Variants in HTR3C observed in about 807,000 individuals in gnomAD.
HTR3C encodes 5-hydroxytryptamine receptor 3C.
In HTR3C, 32 loss-of-function variants were observed where a neutral mutation model predicts 40.5. The ratio of observed to expected loss-of-function variants is 0.79; its 90% CI spans 0.60 to 1.06. The LOEUF (loss-of-function observed/expected upper bound fraction) is 1.06, where lower values mean the gene tolerates loss of function less well. Among genes scored for constraint, HTR3C ranks in the 50% least tolerant of loss-of-function variants. The pLI, the probability that HTR3C is intolerant of heterozygous loss-of-function variation, is 0.00. For missense variants in HTR3C, 523 were observed against 556.8 expected (o/e 0.94, Z 0.61); for synonymous variants, 209 against 217.1 (o/e 0.96, Z 0.33).
chr3:184,053,308 C>T (rs1038566997), intron 1 of HTR3C, among the ~76,000 whole-genome samples, 161 bp downstream of exon 1: 2 of 152,200 alleles, frequency 1.3e-5, no homozygotes, highest in Non-Finnish European at 2.9e-5. Flanking sequence ...AGACAGTTCA[C>T]TGATGAGTGC....
intron 4 of HTR3C, 70 bp downstream of exon 4, chr3:184,056,356 G>A: frequency 1.0e-6 from 1 of 999,642 alleles, no homozygotes; most frequent in South Asian, 1.3e-5. Flanking sequence ...TCAGCACAGG[G>A]CATGGGGCCA....
chr3:184,060,278 A>T lies in HTR3C; in HGVS notation c.1270A>T (p.Thr424Ser). 6.2e-7 allele frequency: 1 copy of T among 1,613,996 alleles called. No individual in the cohort carries two copies. ...GGTGCAGTTCAGCCACGCGATGGAC[A>T]CCCTGCTCTTCCGCCTCTACCTGCT... ...LWVQFSHAMD[T>S]LLFRLYLLFM... The change falls in exon 9 of 9, where the codon ACC becomes TCC. Residue 424 changes from threonine to serine, a missense_variant. Thr to Ser is a moderately conservative substitution (Grantham distance 58). Coordinates refer to ENST00000318351, the MANE Select transcript of HTR3C (RefSeq NM_130770.3).
intron 6 of HTR3C, 41 bp from the exon 7 acceptor site, chr3:184,059,395 T>G: frequency 6.4e-7 from 1 of 1,574,624 alleles, no homozygotes; most frequent in Non-Finnish European, 8.7e-7. Flanking sequence ...TTGAGCCCTC[T>G]GACATCTATT....
chr3:184,054,118 G>A (rs540065292), intron 1 of HTR3C, among the ~76,000 whole-genome samples: 47 of 152,300 alleles, frequency 3.1e-4, no homozygotes, highest in Non-Finnish European at 6.0e-4. Flanking sequence ...TGATCCCGAT[G>A]CTAGAAATAA....
intron 5 of HTR3C, 72 bp from the exon 6 acceptor site, chr3:184,058,355 G>C (rs1723372063): frequency 6.9e-7 from 1 of 1,456,230 alleles, no homozygotes; most frequent in Non-Finnish European, 9.1e-7. Flanking sequence ...AGCTCAGTGG[G>C]GGAGGACTCC....
In HTR3C at chr3:184,053,104, G is replaced by A. The variant is rs766133545; in HGVS notation, c.24G>A (p.Arg8=). The part of the protein sequence containing the change: MEGGWPA[R]QSALLCLTVS... ...GAATGGAAGGAGGGTGGCCTGCAAG[G>A]CAGAGTGCCCTCCTCTGCCTCACTG... Residue 8 remains arginine, a synonymous_variant, in exon 1 of 9, where the codon AGG becomes AGA. Transcript: ENST00000318351. 1 of 1,613,914 alleles carries A rather than the reference G, an allele frequency of 6.2e-7. No homozygotes were observed. The highest frequency in any genetic ancestry group is 8.5e-7 in the Non-Finnish European group (1 of 1,179,848).
chr3:184,053,229 C>A, intron 1 of HTR3C, 82 bp downstream of exon 1: 1 of 953,200 alleles, frequency 1.0e-6, no homozygotes, highest in Non-Finnish European at 1.7e-6. Context: ...GGAGGGCATT[C>A]AGAATTAATG....
chr3:184,060,490 C>T lies in HTR3C; in HGVS notation c.*138C>T. The T allele has an allele frequency of 9.0e-7, 1 of 1,108,988 alleles. No homozygotes were observed. The highest frequency in any genetic ancestry group is 1.9e-5 in the Admixed American group (1 of 51,404). The allele number at this position is 1,108,988 out of a possible 1,614,324, so 68.7% of individuals were successfully genotyped here. A position where few individuals can be genotyped will look rare whatever the true frequency, so the allele number is the denominator to read the frequency against. ...CTTCTAAATTCCAAAGACTCCAACG[C>T]AGCACTAGCAAGCAGGTTCGGGACA... is the stretch of plus-strand genomic sequence containing the variant. On this transcript the variant is annotated 3_prime_UTR_variant, in exon 9 of 9. Transcript: ENST00000318351.
At chr3:184,058,345 A>G in intron 5 of HTR3C, 82 bp from the exon 6 acceptor site, 3 of 1,399,906 alleles carry the variant, frequency 2.1e-6, no homozygotes, top group Non-Finnish European at 2.8e-6. Context: ...TTGGTTTAGA[A>G]GCTCAGTGGG....
chr3:184,059,137 T>C (rs183762178), intron 6 of HTR3C, among the ~76,000 whole-genome samples: 69 of 152,246 alleles, frequency 4.5e-4, no homozygotes, highest in Non-Finnish European at 8.7e-4. Context: ...ATGGCTGGAC[T>C]GTAATAAGCC....
chr3:184,054,989 G>T (rs1016832122), intron 2 of HTR3C, 102 bp downstream of exon 2: 10 of 1,192,340 alleles, frequency 8.4e-6, no homozygotes, highest in Non-Finnish European at 1.2e-5. Flanking sequence ...TGAACAATAG[G>T]CACCCTGGAT....
Position 184,053,057 on chromosome 3 carries a change from C to A in HTR3C, c.-24C>A, listed in dbSNP as rs1338167971. On this transcript the variant is annotated 5_prime_UTR_variant, in exon 1 of 9. Transcript: ENST00000318351. ...GGGTTTGGGAGCTCCTGGTGAATCCCCAGAGAAGAGTCCAGAAAGAAGAAT... is the reference window on the plus strand; with the variant it reads ...GGGTTTGGGAGCTCCTGGTGAATCCACAGAGAAGAGTCCAGAAAGAAGAAT... 2 of 1,600,772 alleles carry A rather than the reference C, an allele frequency of 1.2e-6. No individual in the cohort carries two copies. Among genetic ancestry groups the A allele is most frequent in the South Asian group, 2.2e-5 (2 of 90,808 alleles).
intron 3 of HTR3C, 56 bp from the exon 4 acceptor site, chr3:184,056,121 G>A: frequency 4.4e-6 from 5 of 1,132,192 alleles, no homozygotes; most frequent in Non-Finnish European, 6.7e-6. Flanking sequence ...GGGTGGGAGA[G>A]GCCGACAGGA....
At chr3:184,057,493 G>T (rs898028660) in intron 5 of HTR3C, among the ~76,000 whole-genome samples, 1 of 152,142 alleles carries the variant, frequency 6.6e-6, no homozygotes, top group South Asian at 2.1e-4. Flanking sequence ...CCAGCACTTC[G>T]GGAGGCCGAG....
Position 184,059,424 on chromosome 3 carries a change from G to A in HTR3C, c.721-12G>A, listed in dbSNP as rs749365313. ...ATCTATTTATTTGCCATCTTCTCCG[G>A]TCTCTCTCCAGGTGGCCATCAGGCG... On this transcript the variant is annotated splice_polypyrimidine_tract_variant and intron_variant, in intron 6 of 8. Coordinates refer to ENST00000318351, the MANE Select transcript of HTR3C (RefSeq NM_130770.3). The A allele has an allele frequency of 9.3e-6, 15 of 1,612,696 alleles. No individual in the cohort carries two copies. The South Asian group carries it at 1.6e-4, about 18-fold the overall frequency.
intron 3 of HTR3C, 66 bp downstream of exon 3, chr3:184,055,422 G>C: frequency 2.5e-6 from 3 of 1,211,302 alleles, no homozygotes; most frequent in Non-Finnish European, 3.7e-6. Flanking sequence ...AGTTAGAAGT[G>C]ACTTAAAGGG....
In HTR3C at chr3:184,055,853, T is replaced by C. The variant is rs1358983869; in HGVS notation, c.280-324T>C. ...CTCACCATGGGGACCCAAACCTCCC[T>C]GGGAATCTTAGGAAGGTTGAAATAG... On this transcript the variant is annotated intron_variant, in intron 3 of 8. Transcript: ENST00000318351. 2.5e-4 allele frequency among the ~76,000 whole-genome samples: 29 copies of C among 114,334 alleles called. No homozygotes were observed. In the Admixed American group the frequency reaches 3.8e-3, roughly 15 times the overall value. 75.0% of individuals were successfully genotyped at this position (114,334 alleles called of 152,430 possible).
intron 3 of HTR3C, among the ~76,000 whole-genome samples, chr3:184,055,719 A>T (rs1199174952): frequency 6.6e-6 from 1 of 151,162 alleles, no homozygotes; most frequent in African/African-American, 2.4e-5. Flanking sequence ...CATCACACAC[A>T]CACACACACA....
In HTR3C at chr3:184,060,352, G is replaced by A. The variant is rs1385777764; in HGVS notation, c.1344G>A (p.Ter448=). The A allele has an allele frequency of 1.2e-6, 2 of 1,613,984 alleles. No homozygotes were observed. The highest frequency in any genetic ancestry group is 2.2e-5 in the East Asian group (1 of 44,890). Residue 448 remains the stop codon, a stop_retained_variant, in exon 9 of 9, where the codon TAG becomes TAA. Coordinates refer to ENST00000318351, the MANE Select transcript of HTR3C (RefSeq NM_130770.3). ...CTGTCATTGTCCTCTGGAACACCTA[G>A]GCAGACATCCCCCCTCTCTGGCAAA... is the stretch of plus-strand genomic sequence containing the variant. ...ILTVIVLWNT[*]
Sources: gnomAD v4.1 joint callset for allele counts (sites outside exome capture counted in the v4.1 genomes callset) on GRCh38, gnomAD v4.1.1 for gene constraint, MANE v1.5 for transcripts, NCBI Gene and HGNC (gene_info 2026-07-23, HGNC 2026-07-21) for gene names.